CASP5: variants seen among roughly 807,000 people sequenced by gnomAD.
CASP5 encodes the protein caspase-5.
In CASP5, 42 loss-of-function variants were observed where a neutral mutation model predicts 45.2. The observed-to-expected ratio is 0.93, with a 90% confidence interval of 0.73 to 1.20. The LOEUF (loss-of-function observed/expected upper bound fraction) is 1.20. CASP5 is among the 50% of genes most tolerant of loss of function. The pLI, the probability that CASP5 is intolerant of heterozygous loss-of-function variation, is 0.00. For missense variants in CASP5, 512 were observed against 532.2 expected, an observed-to-expected ratio of 0.96 and a Z score of 0.37; for synonymous variants, 209 against 186.2, an observed-to-expected ratio of 1.12 and a Z score of -1.00.
intron 8 of CASP5, 26 bp downstream of exon 8, chr11:104,997,357 G>T: frequency 2.1e-6 from 3 of 1,406,510 alleles, no homozygotes; most frequent in South Asian, 1.2e-5. Context: ...ATAAGTAAAT[G>T]ACTAGAAAAG....
chr11:105,014,853 CA>C (rs545764675), intron 1 of CASP5, among the ~76,000 whole-genome samples: 1 of 151,722 alleles, frequency 6.6e-6, no homozygotes, highest in Non-Finnish European at 1.5e-5. Flanking sequence ...AGCAGATGCT[CA>C]AAAAAAAGCA....
At chr11:105,011,551 C>G (rs998877878) in intron 1 of CASP5, among the ~76,000 whole-genome samples, 13 of 151,452 alleles carry the variant, frequency 8.6e-5, no homozygotes, top group Non-Finnish European at 1.2e-4. Context: ...TTAAGAAAAC[C>G]CTAAATGCTC....
rs189406080 is a variant in CASP5, at chr11:105,000,301, C to T, written c.912G>A (p.Lys304=). The T allele has an allele frequency of 6.2e-6, 10 of 1,614,242 alleles. No homozygotes were observed. The African/African-American group carries it at 1.3e-4, about 22-fold the overall frequency. ...GGACAATGATGACCTTGGGTTTGTC[C>T]TTTAGACTGAGGCAGTTGCGGTTGT... ...IFNNRNCLSL[K]DKPKVIIVQA... Residue 304 remains lysine, a synonymous_variant, in exon 6 of 10, where the codon AAG becomes AAA. Transcript: ENST00000260315.
chr11:104,994,627 A>G (rs934524245), intron 9 of CASP5, among the ~76,000 whole-genome samples: 6 of 152,222 alleles, frequency 3.9e-5, no homozygotes, highest in Admixed American at 3.9e-4. Flanking sequence ...GTTCAAGCAC[A>G]TTGTGATGAG....
rs45605936 is a variant in CASP5, at chr11:104,999,217, C to G, written c.953-189G>C. On this transcript the variant is annotated intron_variant, in intron 6 of 9. Coordinates refer to ENST00000260315, the MANE Select transcript of CASP5 (RefSeq NM_004347.5). The stretch of plus-strand genomic sequence containing the variant: ...TCTCCTTCCCCTTGTCGCCCACCCC[C>G]CGACTGGCCCCGGTGTGTGATATTC... 9.0e-3 allele frequency among the ~76,000 whole-genome samples: 1,368 copies of G among 152,204 alleles called. 23 individuals carry two copies. Among genetic ancestry groups the G allele is most frequent in the African/African-American group, 0.031 (1,285 of 41,514 alleles).
At position 105,000,418 on chromosome 11, in the gene CASP5, CATG is replaced by C. The variant is rs760449052; in HGVS notation, c.792_794del (p.Met265del). 1.9e-6 allele frequency: 3 copies of C among 1,614,224 alleles called. No individual in the cohort carries two copies. The highest frequency in any genetic ancestry group is 1.7e-5 in the Admixed American group (1 of 60,030). ...AGATTCCCTCTAGGATGCCATGAGA[CATG>C]AGTACCAAGAACGTGCTGTCAGAGG... On this transcript the variant is annotated inframe_deletion, in exon 6 of 10. Transcript: ENST00000260315.
chr11:105,013,266 G>T (rs1343349285), intron 1 of CASP5, among the ~76,000 whole-genome samples: 6 of 152,020 alleles, frequency 3.9e-5, no homozygotes, highest in Non-Finnish European at 5.9e-5. Context: ...TTAGGAGGAG[G>T]CAGGAAGTTT....
intron 1 of CASP5, among the ~76,000 whole-genome samples, chr11:105,012,701 A>G (rs1565390474): frequency 1.3e-5 from 2 of 151,798 alleles, no homozygotes; most frequent in Non-Finnish European, 2.9e-5. Context: ...TTAAAACCAC[A>G]ATGAGATAAT....
rs781677689 is a variant in CASP5 at position 104,998,885 on chromosome 11, G to A, written c.1096C>T (p.His366Tyr). Reference protein sequence around the residue: ...DFIAFCSSTPHNVSWRDRTRG... With the variant: ...DFIAFCSSTPYNVSWRDRTRG... Reference sequence around the variant, plus strand: ...TTGACTGTTACTAAAAGACACATACGTGGTGTTGAAGAACAGAAAGCAATG... The same window carrying A: ...TTGACTGTTACTAAAAGACACATACATGGTGTTGAAGAACAGAAAGCAATG... Residue 366 changes from histidine (H) to tyrosine (Y), a missense_variant and splice_region_variant, in exon 7 of 10, where the codon CAT (histidine) becomes TAT (tyrosine). Coordinates refer to ENST00000260315, the MANE Select transcript of CASP5 (RefSeq NM_004347.5). 1.6e-5 allele frequency: 26 copies of A among 1,611,606 alleles called. No individual in the cohort carries two copies. The East Asian group carries it at 2.9e-4, about 18-fold the overall frequency.
intron 8 of CASP5, among the ~76,000 whole-genome samples, chr11:104,996,340 C>T (rs1048473488): frequency 2.0e-5 from 3 of 152,110 alleles, no homozygotes; most frequent in Admixed American, 2.0e-4. Context: ...ACCGTAAATC[C>T]AATATTTCTA....
intron 3 of CASP5, among the ~76,000 whole-genome samples, chr11:105,006,467 G>A (rs1268937555): frequency 1.3e-5 from 2 of 152,146 alleles, no homozygotes; most frequent in African/African-American, 2.4e-5. Flanking sequence ...TTACTGAAGC[G>A]GAAAAGGGTT....
In CASP5 at chr11:105,003,371, A is replaced by C; in HGVS notation, c.446T>G (p.Ile149Ser). Residue 149 changes from isoleucine (I) to serine (S), a missense_variant, in exon 4 of 10, where the codon ATC becomes AGC. Physicochemically the swap from Ile to Ser is moderately radical, Grantham distance 142 (BLOSUM62 -2). Coordinates refer to ENST00000260315, the MANE Select transcript of CASP5 (RefSeq NM_004347.5). ...KITSVKPLLQ[I>S]EAGPPESAES... ...TGCTGACTCAGGTGGTCCAGCCTCG[A>C]TTTGCAGAAGAGCTGTGGGATATCA... is the stretch of plus-strand genomic sequence containing the variant. The C allele has an allele frequency of 6.3e-7, 1 of 1,594,262 alleles. No individual in the cohort carries two copies. The highest frequency in any genetic ancestry group is 8.5e-7 in the Non-Finnish European group (1 of 1,169,852).
At position 105,002,203 on chromosome 11, in the gene CASP5, T is replaced by C. The variant is rs147871829; in HGVS notation, c.544-2A>G. On this transcript the variant is annotated splice_acceptor_variant, in intron 4 of 9. Transcript: ENST00000260315. LOFTEE classifies it high-confidence loss of function. ...CTCTCTCTTTTTTATTGGATAGATC[T>C]GCAGGAGATGGAGATGAAGCAACTT... is the stretch of plus-strand genomic sequence containing the variant. 1.0e-4 allele frequency: 169 copies of C among 1,613,094 alleles called. No individual in the cohort carries two copies. The highest frequency in any genetic ancestry group is 3.3e-4 in the Middle Eastern group (2 of 6,080).
At position 105,012,614 on chromosome 11, in the gene CASP5, G is replaced by A. The variant is rs564259084; in HGVS notation, c.8-3634C>T. On this transcript the variant is annotated intron_variant, in intron 1 of 9. Transcript: ENST00000260315. ...ACAAAATGAGCCAAGGACCAAAATA[G>A]ACATTTTTCAAAGGAAGATGCATAA... is the stretch of plus-strand genomic sequence containing the variant. 1.2e-4 allele frequency among the ~76,000 whole-genome samples: 18 copies of A among 151,804 alleles called. No homozygotes were observed. The East Asian group carries it at 3.5e-3, about 29-fold the overall frequency.
chr11:105,004,555 G>A (rs540775420), intron 3 of CASP5, among the ~76,000 whole-genome samples: 2 of 152,132 alleles, frequency 1.3e-5, no homozygotes, highest in South Asian at 2.1e-4. Flanking sequence ...GTTTGGTTAC[G>A]TGACCCAACC....
Position 104,998,940 on chromosome 11 carries a change from A to G in CASP5, c.1041T>C (p.Ser347=), listed in dbSNP as rs763286672. 1.2e-6 allele frequency: 2 copies of G among 1,614,044 alleles called. No individual in the cohort carries two copies. Among genetic ancestry groups the G allele is most frequent in the Non-Finnish European group, 1.7e-6 (2 of 1,179,916 alleles). The change falls in exon 7 of 10, where the codon TCT becomes TCC. Residue 347 remains serine, a synonymous_variant. Transcript: ENST00000260315. ...SQSSENLEAD[S]VCKIHEEKDF... is the part of the protein sequence containing the mutation. ...CCTTCTCCTCGTGGATCTTGCAAAC[A>G]GAATCTGCCTCCAGGTTCTCAGATG...
chr11:105,008,110 T>C (rs1029187407), intron 2 of CASP5, among the ~76,000 whole-genome samples: 4 of 152,114 alleles, frequency 2.6e-5, no homozygotes, highest in Non-Finnish European at 5.9e-5. Context: ...TTCTAATTAC[T>C]GCCAGTCATT....
In CASP5 at chr11:105,021,409, G is replaced by A. The variant is rs1287145327; in HGVS notation, c.7+1721C>T. Among the ~76,000 whole-genome samples the A allele has an allele frequency of 6.6e-3, 966 of 147,250 alleles. 9 individuals are homozygous for A. The highest frequency in any genetic ancestry group is 0.025 in the South Asian group (116 of 4,622). On this transcript the variant is annotated intron_variant, in intron 1 of 9. Coordinates refer to ENST00000260315, the MANE Select transcript of CASP5 (RefSeq NM_004347.5). ...GGGAGAAAATTTTCGCAACCTACTC[G>A]TCTGACAAAGGGCTAATATCCAGAA...
intron 3 of CASP5, 80 bp from the exon 4 acceptor site, chr11:105,003,463 GA>G: frequency 1.4e-6 from 1 of 723,224 alleles, no homozygotes; most frequent in Non-Finnish European, 2.3e-6. Flanking sequence ...GAGAGAGAGA[GA>G]GAGAGAAATC....
Sources: gnomAD v4.1 joint callset for allele counts (sites outside exome capture counted in the v4.1 genomes callset) on GRCh38, gnomAD v4.1.1 for gene constraint, MANE v1.5 for transcripts, NCBI Gene and HGNC (gene_info 2026-07-23, HGNC 2026-07-21) for gene names.